RNASE4: variants seen among roughly 807,000 people sequenced by gnomAD.
RNASE4 encodes ribonuclease A family member 4.
For synonymous variants in RNASE4, 93 were observed against 71.4 expected (o/e 1.30, Z -1.52); for missense variants, 194 against 192.8 (o/e 1.01, Z -0.04).
intron 1 of RNASE4, chr14:20,693,549 G>C: frequency 6.2e-7 from 1 of 1,611,210 alleles, no homozygotes; most frequent in East Asian, 2.2e-5. Flanking sequence ...CTCCGCAGGA[G>C]CCTGTGTTGG....
rs1166021162 is a variant in RNASE4, at chr14:20,699,465, AT to A, written c.95del (p.Met32SerfsTer24). The A allele has an allele frequency of 1.9e-6, 3 of 1,614,034 alleles. 1 individual carries two copies. In the Middle Eastern group the frequency reaches 4.9e-4, roughly 266 times the overall value. On this transcript the variant is annotated frameshift_variant, in exon 2 of 2. Transcript: ENST00000555835. LOFTEE classifies it low-confidence loss of function (END_TRUNC). ...CCAGCCCTCCTATGGCCAGGATGGC[AT>A]GTACCAGCGATTCCTGCGGCAACAC... ...LVQPSYGQDG[M>X]YQRFLRQHVH... is the part of the protein sequence containing the mutation.
At chr14:20,685,131 GT>G (rs1886363747) in intron 1 of RNASE4, among the ~76,000 whole-genome samples, 1 of 152,152 alleles carries the variant, frequency 6.6e-6, no homozygotes, top group Non-Finnish European at 1.5e-5. Context: ...GCAGGCCTTA[GT>G]TTTTTGCAAG....
At chr14:20,686,164 G>C (rs967937468) in intron 1 of RNASE4, among the ~76,000 whole-genome samples, 3 of 152,116 alleles carry the variant, frequency 2.0e-5, no homozygotes, top group African/African-American at 7.2e-5. Flanking sequence ...TTAATATGAG[G>C]GGTGGACAGA....
At position 20,699,469 on chromosome 14, in the gene RNASE4, A is replaced by G; in HGVS notation, c.98A>G (p.Tyr33Cys). ...CCCTCCTATGGCCAGGATGGCATGT[A>G]CCAGCGATTCCTGCGGCAACACGTG... ...VQPSYGQDGM[Y>C]QRFLRQHVHP... is the part of the protein sequence containing the mutation. The change falls in exon 2 of 2, where the codon TAC becomes TGC. Residue 33 changes from tyrosine (Y) to cysteine (C), a missense_variant. Coordinates refer to ENST00000555835, the MANE Select transcript of RNASE4 (RefSeq NM_002937.5). 1 of 1,614,076 alleles carries G rather than the reference A, an allele frequency of 6.2e-7. No homozygotes were observed. The highest frequency in any genetic ancestry group is 8.5e-7 in the Non-Finnish European group (1 of 1,180,022).
At chr14:20,690,594 C>T (rs1886695059) in intron 1 of RNASE4, among the ~76,000 whole-genome samples, 1 of 151,968 alleles carries the variant, frequency 6.6e-6, no homozygotes, top group South Asian at 2.1e-4. Context: ...GATTACAGGC[C>T]CCCAACTAAA....
intron 1 of RNASE4, among the ~76,000 whole-genome samples, chr14:20,698,452 G>T (rs1379702723): frequency 3.3e-5 from 5 of 152,098 alleles, no homozygotes; most frequent in Non-Finnish European, 7.4e-5. Context: ...ACATTTCTTA[G>T]CTTTTCTTAT....
chr14:20,697,457 G>A (rs1887130550), intron 1 of RNASE4, among the ~76,000 whole-genome samples: 2 of 152,096 alleles, frequency 1.3e-5, no homozygotes, highest in South Asian at 4.1e-4. Flanking sequence ...ATCTACAGCT[G>A]CAGGCACACA....
chr14:20,694,452 A>G (rs1173833675), intron 1 of RNASE4, among the ~76,000 whole-genome samples: 4 of 152,044 alleles, frequency 2.6e-5, no homozygotes, highest in African/African-American at 9.7e-5. Context: ...GGCATGCACC[A>G]CCACACCTGG....
At chr14:20,686,969 C>T (rs1886454334) in intron 1 of RNASE4, among the ~76,000 whole-genome samples, 1 of 152,106 alleles carries the variant, frequency 6.6e-6, no homozygotes. Context: ...TGTCTGTGTG[C>T]AGGGACATTA....
At chr14:20,694,867 TACACACACAC>T (rs10625796) in intron 1 of RNASE4, among the ~76,000 whole-genome samples, 1 of 151,172 alleles carries the variant, frequency 6.6e-6, no homozygotes, top group Non-Finnish European at 1.5e-5. Context: ...CTCTCACTCT[TACACACACAC>T]ACACACATAT....
At chr14:20,689,937 C>T (rs1301489592) in intron 1 of RNASE4, among the ~76,000 whole-genome samples, 1 of 148,648 alleles carries the variant, frequency 6.7e-6, no homozygotes, top group East Asian at 2.0e-4. Flanking sequence ...AAAAACAGGC[C>T]GGGCGCGGTG....
chr14:20,694,128 T>C, intron 1 of RNASE4: 1 of 1,091,434 alleles, frequency 9.2e-7, no homozygotes, highest in Non-Finnish European at 1.4e-6. Flanking sequence ...TACCTGGACC[T>C]TTTGTTTTCT....
At chr14:20,693,489 T>C (rs1886912493) in intron 1 of RNASE4, 3 of 1,598,872 alleles carry the variant, frequency 1.9e-6, no homozygotes, top group East Asian at 2.2e-5. Flanking sequence ...CCTGTCCTTT[T>C]GGCCTAATTT....
chr14:20,693,735 G>A lies in RNASE4; in HGVS notation c.-17-5620G>A. The A allele has an allele frequency of 6.2e-7, 1 of 1,614,184 alleles. No homozygotes were observed. The highest frequency in any genetic ancestry group is 8.5e-7 in the Non-Finnish European group (1 of 1,180,026). ...ACTGTGAAAGCATCATGAGGAGACG[G>A]GGCCTGACCTCACCCTGCAAAGACA... On this transcript the variant is annotated intron_variant, in intron 1 of 1. Transcript: ENST00000555835.
chr14:20,693,333 T>C, intron 1 of RNASE4: 2 of 628,202 alleles, frequency 3.2e-6, no homozygotes, highest in Non-Finnish European at 5.6e-6. Context: ...CGGTTGGAGC[T>C]AGAGGTTGTG....
intron 1 of RNASE4, among the ~76,000 whole-genome samples, chr14:20,690,953 G>C (rs1208766756): frequency 6.6e-6 from 1 of 152,198 alleles, no homozygotes; most frequent in East Asian, 1.9e-4. Flanking sequence ...CTGACAACAG[G>C]TCGGTCTTTA....
At chr14:20,698,852 C>A (rs906937789) in intron 1 of RNASE4, 1 of 152,426 alleles carries the variant, frequency 6.6e-6, no homozygotes, top group Non-Finnish European at 1.5e-5. Flanking sequence ...CCTCTGTCCT[C>A]TTCCTCCACC....
chr14:20,699,377 T>C lies in RNASE4; in HGVS notation c.6T>C (p.Ala2=). 1.9e-6 allele frequency: 3 copies of C among 1,594,170 alleles called. No individual in the cohort carries two copies. The highest frequency in any genetic ancestry group is 1.7e-6 in the Non-Finnish European group (2 of 1,168,382). The change falls in exon 2 of 2, where the codon GCT becomes GCC. Residue 2 remains alanine, a synonymous_variant. Transcript: ENST00000555835. The stretch of plus-strand genomic sequence containing the variant: ...TAGGCACCTCTAAGATACTGATGGC[T>C]CTGCAGAGGACCCATTCATTGCTTC... M[A]LQRTHSLLLL...
rs1054609059 is a variant in RNASE4 at position 20,685,389 on chromosome 14, C to T, written c.-18+631C>T. ...AACAATTTCAGCACCACTCAGGGGG[C>T]TAGGGAAATCTCAGATGAGCCAAGA... On this transcript the variant is annotated intron_variant, in intron 1 of 1. Transcript: ENST00000555835. Among the ~76,000 whole-genome samples, 3 of 152,292 alleles carry T rather than the reference C, an allele frequency of 2.0e-5. No individual in the cohort carries two copies. In the East Asian group the frequency reaches 5.8e-4, roughly 29 times the overall value.
Sources: gnomAD v4.1 joint callset for allele counts (sites outside exome capture counted in the v4.1 genomes callset) on GRCh38, gnomAD v4.1.1 for gene constraint, MANE v1.5 for transcripts, NCBI Gene and HGNC (gene_info 2026-07-23, HGNC 2026-07-21) for gene names.